ZMYM4: variants seen among roughly 807,000 people sequenced by gnomAD.
ZMYM4 encodes zinc finger MYM-type protein 4.
ZMYM4 carries 31 observed loss-of-function variants against 183.2 expected under a neutral mutation model. The observed-to-expected ratio is 0.17, with a 90% CI of 0.13 to 0.23. The LOEUF (loss-of-function observed/expected upper bound fraction) is 0.23. Ranked by LOEUF, ZMYM4 falls within the 10% of genes least tolerant of loss-of-function variation. The pLI is 1.00. For missense variants in ZMYM4, 1,273 were observed against 1,840.3 expected (o/e 0.69, Z 5.64); for synonymous variants, 592 against 631.2 (o/e 0.94, Z 0.93).
intron 25 of ZMYM4, among the ~76,000 whole-genome samples, chr1:35,407,516 CTG>C (rs1645026151): frequency 6.6e-6 from 1 of 151,856 alleles, no homozygotes; most frequent in African/African-American, 2.4e-5. Context: ...CCATTAAGCA[CTG>C]TGAATTCTTC....
At chr1:35,305,055 A>G (rs185680934) in intron 1 of ZMYM4, among the ~76,000 whole-genome samples, 470 of 152,280 alleles carry the variant, frequency 3.1e-3, no homozygotes, top group Non-Finnish European at 4.7e-3. Context: ...CATGTTGGCC[A>G]GGATGGTGTT....
intron 23 of ZMYM4, among the ~76,000 whole-genome samples, chr1:35,402,503 G>T (rs2149017858): frequency 6.6e-6 from 1 of 152,142 alleles, no homozygotes; most frequent in East Asian, 1.9e-4. Flanking sequence ...GGTGGTCCCA[G>T]CTACTTGGAG....
At chr1:35,271,134 A>G (rs1429661562) in intron 1 of ZMYM4, among the ~76,000 whole-genome samples, 3 of 152,220 alleles carry the variant, frequency 2.0e-5, no homozygotes, top group South Asian at 4.1e-4. Context: ...ATGAAAATAT[A>G]CAGGGTAAAT....
intron 25 of ZMYM4, among the ~76,000 whole-genome samples, chr1:35,405,713 GTCT>G (rs1222783217): frequency 1.3e-5 from 2 of 150,454 alleles, no homozygotes; most frequent in Non-Finnish European, 3.0e-5. Context: ...CTCAAAATAT[GTCT>G]TCTTGAGCCC....
At chr1:35,337,666 C>T (rs574222211) in intron 2 of ZMYM4, among the ~76,000 whole-genome samples, 34 of 151,960 alleles carry the variant, frequency 2.2e-4, no homozygotes, top group African/African-American at 8.0e-4. Flanking sequence ...CAGATAAGGC[C>T]GGGTGTGGTG....
At chr1:35,294,432 A>C (rs1425217676) in intron 1 of ZMYM4, among the ~76,000 whole-genome samples, 1 of 152,172 alleles carries the variant, frequency 6.6e-6, no homozygotes. Context: ...TAGATAGGGC[A>C]GGATAATATG....
At chr1:35,346,499 A>G (rs759679473) in intron 2 of ZMYM4, among the ~76,000 whole-genome samples, 6 of 152,004 alleles carry the variant, frequency 3.9e-5, no homozygotes, top group Admixed American at 1.3e-4. Context: ...ACAAACACAA[A>G]AATTAGCTGG....
intron 1 of ZMYM4, among the ~76,000 whole-genome samples, chr1:35,322,221 A>G (rs1222980056): frequency 6.6e-6 from 1 of 152,230 alleles, no homozygotes; most frequent in South Asian, 2.1e-4. Context: ...TTCTATTGGG[A>G]TAGTACTCTT....
chr1:35,331,879 T>C (rs1217696571), intron 2 of ZMYM4, among the ~76,000 whole-genome samples: 5 of 151,636 alleles, frequency 3.3e-5, no homozygotes, highest in African/African-American at 9.7e-5. Context: ...AAAGGAGATA[T>C]AAGTTCTATG....
At chr1:35,351,282 G>T in intron 2 of ZMYM4, 1 of 1,581,488 alleles carries the variant, frequency 6.3e-7, no homozygotes, top group Non-Finnish European at 8.7e-7. Flanking sequence ...TGAAAGCAAG[G>T]AATTTAATGC....
intron 1 of ZMYM4, among the ~76,000 whole-genome samples, chr1:35,304,971 A>G (rs972459033): frequency 2.6e-5 from 4 of 151,886 alleles, no homozygotes; most frequent in East Asian, 1.9e-4. Flanking sequence ...TCAGCCTCCT[A>G]AGTAGGTGGT....
At position 35,396,652 on chromosome 1, in the gene ZMYM4, A is replaced by G. The variant is rs915407500; in HGVS notation, c.3012A>G (p.Pro1004=). 3.1e-6 allele frequency: 5 copies of G among 1,612,818 alleles called. No individual in the cohort carries two copies. The East Asian group carries it at 8.9e-5, about 29-fold the overall frequency. ...TTTATACTCAATATGCTCCAGTCCC[A>G]TTTGGAATTCCAGTTCCAGTGAGTA... ...LHLYTQYAPV[P]FGIPVPMPVP... The change falls in exon 19 of 30, where the codon CCA becomes CCG. Residue 1004 remains proline, a synonymous_variant. Transcript: ENST00000314607.
In ZMYM4 at chr1:35,419,704, AC is replaced by A. The variant is rs1309617683; in HGVS notation, c.*28del. On this transcript the variant is annotated 3_prime_UTR_variant, in exon 30 of 30. Transcript: ENST00000314607. ...ACGGAAGTGAGGTTCTTATTTTCATACATATTGGTATGCACCAAACTGTGAA... is the reference window on the plus strand; with the variant it reads ...ACGGAAGTGAGGTTCTTATTTTCATAATATTGGTATGCACCAAACTGTGAA... The A allele has an allele frequency of 3.1e-6, 5 of 1,610,750 alleles. No individual in the cohort carries two copies. Among genetic ancestry groups the A allele is most frequent in the Non-Finnish European group, 4.2e-6 (5 of 1,177,644 alleles).
intron 15 of ZMYM4, among the ~76,000 whole-genome samples, chr1:35,391,397 A>G (rs1644702827): frequency 6.6e-6 from 1 of 152,184 alleles, no homozygotes; most frequent in Admixed American, 6.5e-5. Flanking sequence ...TTATCTTATC[A>G]GGACTACACA....
At chr1:35,269,773 T>G (rs1210141626) in intron 1 of ZMYM4, among the ~76,000 whole-genome samples, 1 of 152,236 alleles carries the variant, frequency 6.6e-6, no homozygotes, top group Non-Finnish European at 1.5e-5. Flanking sequence ...AAGCCAATTC[T>G]ACATAGGAGT....
chr1:35,381,827 T>C (rs1275046171), intron 9 of ZMYM4, 69 bp downstream of exon 9: 1 of 1,555,794 alleles, frequency 6.4e-7, no homozygotes, highest in Admixed American at 1.8e-5. Flanking sequence ...GTCAGAATTA[T>C]TTATGAAAAT....
At chr1:35,371,288 TC>T (rs1193558752) in intron 7 of ZMYM4, among the ~76,000 whole-genome samples, 1 of 151,960 alleles carries the variant, frequency 6.6e-6, no homozygotes, top group Non-Finnish European at 1.5e-5. Flanking sequence ...GCTAATTTTT[TC>T]TATGTTTTAG....
chr1:35,279,975 A>C (rs917646086), intron 1 of ZMYM4, among the ~76,000 whole-genome samples: 1 of 152,194 alleles, frequency 6.6e-6, no homozygotes, highest in South Asian at 2.1e-4. Flanking sequence ...TGCCTTTGAC[A>C]TCAGTATTTC....
At chr1:35,281,763 A>G (rs1024617274) in intron 1 of ZMYM4, among the ~76,000 whole-genome samples, 3 of 152,102 alleles carry the variant, frequency 2.0e-5, no homozygotes, top group Admixed American at 6.5e-5. Flanking sequence ...AATCATTACC[A>G]TTATTCATTT....
Sources: gnomAD v4.1 joint callset for allele counts (sites outside exome capture counted in the v4.1 genomes callset) on GRCh38, gnomAD v4.1.1 for gene constraint, MANE v1.5 for transcripts, NCBI Gene and HGNC (gene_info 2026-07-23, HGNC 2026-07-21) for gene names.